Variants in DLGAP2 observed in about 807,000 individuals in gnomAD.
DLGAP2 encodes disks large-associated protein 2.
A neutral mutation model predicts 100.3 loss-of-function variants in DLGAP2; 26 were observed. The observed-to-expected ratio is 0.26, with a 90% CI of 0.19 to 0.36. DLGAP2 has a LOEUF of 0.36. DLGAP2 is among the 10% of genes least tolerant of loss of function. DLGAP2 has a pLI of 1.00. For synonymous variants in DLGAP2, 886 were observed against 630.1 expected, an observed-to-expected ratio of 1.41 and a Z score of -6.08; for missense variants, 1,858 against 1,453.2, an observed-to-expected ratio of 1.28 and a Z score of -4.53.
chr8:924,644 G>A (rs1279445139), intron 2 of DLGAP2, among the ~76,000 whole-genome samples: 2 of 151,548 alleles, frequency 1.3e-5, no homozygotes, highest in Non-Finnish European at 1.5e-5. Flanking sequence ...GTGCAATGGC[G>A]CGATCTCTGG....
chr8:1,323,547 T>C (rs1383360043), intron 3 of DLGAP2, among the ~76,000 whole-genome samples: 1 of 152,162 alleles, frequency 6.6e-6, no homozygotes, highest in African/African-American at 2.4e-5. Flanking sequence ...CGGGAAGCAA[T>C]GGCTCCTGCT....
At chr8:1,408,083 A>T (rs1584867393) in intron 3 of DLGAP2, among the ~76,000 whole-genome samples, 1 of 152,244 alleles carries the variant, frequency 6.6e-6, no homozygotes, top group African/African-American at 2.4e-5. Flanking sequence ...CAGGGGATAG[A>T]ATCGTCTCCT....
At chr8:1,126,290 T>C (rs902912992) in intron 2 of DLGAP2, among the ~76,000 whole-genome samples, 5 of 152,186 alleles carry the variant, frequency 3.3e-5, no homozygotes, top group African/African-American at 1.2e-4. Flanking sequence ...TTCCTCCATA[T>C]ATAAAAATAT....
chr8:1,545,131 T>A (rs1801491156), intron 4 of DLGAP2, among the ~76,000 whole-genome samples: 1 of 152,210 alleles, frequency 6.6e-6, no homozygotes, highest in African/African-American at 2.4e-5. Flanking sequence ...ATTCTGGCCC[T>A]GATAGAATTA....
chr8:1,260,791 G>T lies in DLGAP2; in HGVS notation c.106+1908G>T, dbSNP rs189379104. ...ATTGACTCTAGAGGGGACCTTGGCT[G>T]GCGCAGGCTGACTTGAGGCGACTGT... On this transcript the variant is annotated intron_variant, in intron 3 of 14. Coordinates refer to ENST00000637795, the MANE Select transcript of DLGAP2 (RefSeq NM_001346810.2). Among the ~76,000 whole-genome samples the T allele has an allele frequency of 1.5e-4, 23 of 152,342 alleles. No homozygotes were observed. The East Asian group carries it at 4.1e-3, about 27-fold the overall frequency.
chr8:1,690,703 C>CAA (rs71190752), intron 12 of DLGAP2, among the ~76,000 whole-genome samples: 1,735 of 62,002 alleles, frequency 0.028, 167 homozygotes, highest in African/African-American at 0.078. Flanking sequence ...GACCCTATCT[C>CAA]AAAAAAAAAA....
At chr8:1,036,250 CA>C (rs1802119302) in intron 2 of DLGAP2, among the ~76,000 whole-genome samples, 1 of 152,204 alleles carries the variant, frequency 6.6e-6, no homozygotes, top group African/African-American at 2.4e-5. Flanking sequence ...TTCACACGCT[CA>C]TCCCGACCCC....
chr8:1,007,404 C>G (rs1801150397), intron 2 of DLGAP2, among the ~76,000 whole-genome samples: 1 of 152,240 alleles, frequency 6.6e-6, no homozygotes, highest in African/African-American at 2.4e-5. Context: ...CAGCATTTTC[C>G]TGCTACCTTT....
intron 2 of DLGAP2, among the ~76,000 whole-genome samples, chr8:922,753 T>C (rs1044957224): frequency 7.2e-5 from 11 of 152,204 alleles, no homozygotes; most frequent in Non-Finnish European, 1.2e-4. Context: ...TATTTAGCAG[T>C]GGCAGTTTCA....
chr8:1,674,722 G>C (rs1254664283), intron 10 of DLGAP2, among the ~76,000 whole-genome samples: 7 of 152,136 alleles, frequency 4.6e-5, no homozygotes. Context: ...TTTCACACAA[G>C]TACAGACATG....
chr8:1,446,449 A>G (rs1339573022), intron 3 of DLGAP2, among the ~76,000 whole-genome samples: 7 of 152,158 alleles, frequency 4.6e-5, no homozygotes, highest in Admixed American at 6.5e-5. Context: ...CCATTGATCT[A>G]TAGCTCTGTT....
chr8:1,535,520 T>C (rs1054909626), intron 4 of DLGAP2, among the ~76,000 whole-genome samples: 1 of 152,150 alleles, frequency 6.6e-6, no homozygotes, highest in Non-Finnish European at 1.5e-5. Context: ...CACAGACGTG[T>C]TCAAGCGGTC....
intron 2 of DLGAP2, among the ~76,000 whole-genome samples, chr8:1,186,743 G>A (rs1217883379): frequency 1.3e-5 from 2 of 152,096 alleles, no homozygotes; most frequent in African/African-American, 2.4e-5. Context: ...ATTTCACGTC[G>A]TCGCCTCCCC....
intron 2 of DLGAP2, among the ~76,000 whole-genome samples, chr8:1,142,586 C>G (rs557838948): frequency 2.9e-4 from 44 of 152,294 alleles, no homozygotes; most frequent in African/African-American, 1.0e-3. Context: ...GGGCAGGTCT[C>G]AATTCATGCT....
At chr8:1,638,132 G>A (rs35773168) in intron 8 of DLGAP2, among the ~76,000 whole-genome samples, 53,727 of 151,994 alleles carry the variant, frequency 0.35, 12,058 homozygotes, top group African/African-American at 0.64. Context: ...TGCAGAATTC[G>A]GAGGTCACTG....
At chr8:1,192,336 G>C (rs1047246792) in intron 2 of DLGAP2, among the ~76,000 whole-genome samples, 6 of 152,192 alleles carry the variant, frequency 3.9e-5, no homozygotes, top group African/African-American at 1.2e-4. Flanking sequence ...AGAATATGAT[G>C]CTTTGCATTG....
chr8:1,421,822 G>T (rs189257995), intron 3 of DLGAP2, among the ~76,000 whole-genome samples: 159 of 152,182 alleles, frequency 1.0e-3, no homozygotes, highest in Middle Eastern at 3.4e-3. Flanking sequence ...AAATTAGCCA[G>T]GTATGGTGGC....
At chr8:1,066,314 C>G (rs1169633509) in intron 2 of DLGAP2, among the ~76,000 whole-genome samples, 1 of 149,530 alleles carries the variant, frequency 6.7e-6, no homozygotes, top group African/African-American at 2.5e-5. Context: ...CAGCTCCCCA[C>G]CATGGGCAGG....
intron 3 of DLGAP2, chr8:1,301,896 G>C (rs1800352066): frequency 2.0e-5 from 3 of 152,408 alleles, no homozygotes; most frequent in South Asian, 2.1e-4. Context: ...TTTGCCGCAA[G>C]GGTTCTGCCA....
Sources: allele counts gnomAD v4.1 joint callset (sites outside exome capture counted in the v4.1 genomes callset), GRCh38; gene constraint gnomAD v4.1.1; transcripts MANE v1.5; gene names NCBI Gene and HGNC (gene_info 2026-07-23, HGNC 2026-07-21).